PRKG1: variants seen among roughly 807,000 people sequenced by gnomAD.
The protein encoded by PRKG1 is protein kinase cGMP-dependent 1, also known as cGMP-dependent protein kinase 1.
A neutral mutation model predicts 88.1 loss-of-function variants in PRKG1; 35 were observed. The observed-to-expected ratio is 0.40, with a 90% CI of 0.30 to 0.53. PRKG1 has a LOEUF of 0.53. PRKG1 is among the 20% of genes least tolerant of loss of function. The pLI, the probability that PRKG1 is intolerant of heterozygous loss-of-function variation, is 0.59. For missense variants in PRKG1, 540 were observed against 839.8 expected, an observed-to-expected ratio of 0.64 and a Z score of 4.41; for synonymous variants, 303 against 292.5, an observed-to-expected ratio of 1.04 and a Z score of -0.37.
chr10:51,606,029 TA>T (rs1364500542), intron 3 of PRKG1, among the ~76,000 whole-genome samples: 1 of 152,214 alleles, frequency 6.6e-6, no homozygotes, highest in Non-Finnish European at 1.5e-5. Flanking sequence ...GTAAGAACTT[TA>T]AAAAAATTTA....
intron 2 of PRKG1, among the ~76,000 whole-genome samples, chr10:51,156,472 G>T (rs756369743): frequency 6.6e-6 from 1 of 151,746 alleles, no homozygotes; most frequent in South Asian, 2.1e-4. Context: ...TAAACAGCAC[G>T]TTATCTTAAT....
intron 6 of PRKG1, among the ~76,000 whole-genome samples, chr10:52,056,741 C>T (rs1445574351): frequency 6.6e-6 from 1 of 152,040 alleles, no homozygotes; most frequent in East Asian, 1.9e-4. Flanking sequence ...ATGTAAATTA[C>T]ATAATAATTG....
chr10:51,219,956 T>A (rs977678471), intron 2 of PRKG1, among the ~76,000 whole-genome samples: 1 of 152,072 alleles, frequency 6.6e-6, no homozygotes. Flanking sequence ...TATTCTGTTA[T>A]ATGGACCAGC....
At chr10:51,780,361 T>A (rs1447390553) in intron 3 of PRKG1, among the ~76,000 whole-genome samples, 8 of 152,100 alleles carry the variant, frequency 5.3e-5, no homozygotes, top group African/African-American at 1.9e-4. Context: ...CAAACTGGAA[T>A]ACAATTTGGA....
intron 4 of PRKG1, among the ~76,000 whole-genome samples, chr10:51,835,054 A>G (rs1840099583): frequency 6.6e-6 from 1 of 152,232 alleles, no homozygotes; most frequent in Admixed American, 6.5e-5. Context: ...ACGCACACAC[A>G]TGAGAAACTC....
intron 3 of PRKG1, among the ~76,000 whole-genome samples, chr10:51,729,696 G>A: frequency 1.1e-5 from 1 of 91,116 alleles, no homozygotes; most frequent in South Asian, 4.1e-4. Context: ...AACAGAGTGA[G>A]ACTCCATCTC....
chr10:51,649,652 G>A (rs1839992720), intron 3 of PRKG1, among the ~76,000 whole-genome samples: 1 of 152,188 alleles, frequency 6.6e-6, no homozygotes, highest in Admixed American at 6.5e-5. Context: ...GCGAAGCAAG[G>A]AAAGAATGAA....
chr10:51,009,405 C>T (rs116873015), intron 1 of PRKG1, among the ~76,000 whole-genome samples: 98 of 152,294 alleles, frequency 6.4e-4, no homozygotes, highest in Non-Finnish European at 1.3e-3. Flanking sequence ...AAATAGTTCT[C>T]CCACCTCCAC....
intron 2 of PRKG1, among the ~76,000 whole-genome samples, chr10:51,434,197 C>T (rs540643799): frequency 6.6e-6 from 1 of 152,152 alleles, no homozygotes; most frequent in East Asian, 1.9e-4. Context: ...GTTACTTAAC[C>T]CCAAGGCAGT....
intron 9 of PRKG1, among the ~76,000 whole-genome samples, chr10:52,211,052 G>A (rs1053087531): frequency 3.3e-5 from 5 of 152,112 alleles, no homozygotes; most frequent in African/African-American, 9.7e-5. Context: ...ACTATACTAA[G>A]CAATGAAATT....
chr10:51,702,166 G>A (rs1841485083), intron 3 of PRKG1, among the ~76,000 whole-genome samples: 1 of 152,220 alleles, frequency 6.6e-6, no homozygotes, highest in South Asian at 2.1e-4. Flanking sequence ...GGTGAACAGA[G>A]AGTAGCTGAA....
intron 1 of PRKG1, among the ~76,000 whole-genome samples, chr10:51,100,952 G>A (rs554240861): frequency 7.2e-5 from 11 of 152,142 alleles, no homozygotes; most frequent in African/African-American, 1.7e-4. Flanking sequence ...CTCTTGTCAC[G>A]AATGCAAAGT....
At chr10:51,379,496 T>A (rs943775888) in intron 2 of PRKG1, among the ~76,000 whole-genome samples, 3 of 152,222 alleles carry the variant, frequency 2.0e-5, no homozygotes, top group African/African-American at 7.2e-5. Context: ...TCTTTCCAAT[T>A]AATTACAATT....
chr10:51,374,082 C>CCAA (rs1554801030), intron 2 of PRKG1, among the ~76,000 whole-genome samples: 1 of 95,588 alleles, frequency 1.0e-5, no homozygotes, highest in Non-Finnish European at 2.2e-5. Context: ...GCAGAGGTTG[C>CCAA]AAAAAAAAAA....
At chr10:51,444,044 G>GA (rs369111684) in intron 2 of PRKG1, among the ~76,000 whole-genome samples, 42 of 150,554 alleles carry the variant, frequency 2.8e-4, no homozygotes, top group African/African-American at 8.3e-4. Flanking sequence ...GTCTTTAGGG[G>GA]AAAAAAAATG....
chr10:51,178,077 A>T (rs1457384085), intron 2 of PRKG1, among the ~76,000 whole-genome samples: 1 of 152,202 alleles, frequency 6.6e-6, no homozygotes, highest in South Asian at 2.1e-4. Context: ...GCAAGGGAAG[A>T]CAGTTATTTT....
chr10:51,013,053 G>T (rs1014903738), intron 1 of PRKG1, among the ~76,000 whole-genome samples: 3 of 152,208 alleles, frequency 2.0e-5, no homozygotes, highest in African/African-American at 7.2e-5. Context: ...ACGGTGGCAC[G>T]CAGTGAGTTT....
chr10:51,461,626 C>T (rs962851894), intron 2 of PRKG1, among the ~76,000 whole-genome samples: 1 of 152,150 alleles, frequency 6.6e-6, no homozygotes, highest in Non-Finnish European at 1.5e-5. Context: ...GAGACTTTAT[C>T]TATTCAGATT....
intron 3 of PRKG1, among the ~76,000 whole-genome samples, chr10:51,517,009 A>G (rs536490253): frequency 1.7e-4 from 26 of 152,204 alleles, no homozygotes; most frequent in Non-Finnish European, 3.2e-4. Flanking sequence ...AGATTGTATA[A>G]ATTGTAAGGT....
Sources: gnomAD v4.1 joint callset for allele counts (sites outside exome capture counted in the v4.1 genomes callset) on GRCh38, gnomAD v4.1.1 for gene constraint, MANE v1.5 for transcripts, NCBI Gene and HGNC (gene_info 2026-07-23, HGNC 2026-07-21) for gene names.